DCC: variants seen among roughly 807,000 people sequenced by gnomAD.
DCC encodes netrin receptor DCC.
Under a neutral mutation model 172.5 loss-of-function variants are expected in DCC, and 58 were observed. The ratio of observed to expected loss-of-function variants is 0.34; its 90% CI spans 0.27 to 0.42. The LOEUF (loss-of-function observed/expected upper bound fraction) is 0.42, where lower values mean the gene tolerates loss of function less well. Ranked by LOEUF, DCC falls within the 10% of genes least tolerant of loss-of-function variation. DCC has a pLI of 1.00. For synonymous variants in DCC, 709 were observed against 644.5 expected (o/e 1.10, Z -1.52); for missense variants, 1,740 against 1,791.0 (o/e 0.97, Z 0.51).
chr18:53,386,459 T>C (rs1325587563), intron 16 of DCC, among the ~76,000 whole-genome samples: 1 of 152,162 alleles, frequency 6.6e-6, no homozygotes, highest in African/African-American at 2.4e-5. Context: ...CCTGATACCA[T>C]GCTTCCATCT....
At chr18:52,994,986 G>T (rs955530793) in intron 5 of DCC, among the ~76,000 whole-genome samples, 3 of 151,992 alleles carry the variant, frequency 2.0e-5, no homozygotes, top group Non-Finnish European at 4.4e-5. Flanking sequence ...ATCCTCAATT[G>T]TATTTTAAAG....
At chr18:52,386,339 T>G (rs1985798226) in intron 1 of DCC, among the ~76,000 whole-genome samples, 1 of 152,132 alleles carries the variant, frequency 6.6e-6, no homozygotes, top group African/African-American at 2.4e-5. Flanking sequence ...AGATATAGCT[T>G]TCATTTTTTG....
intron 15 of DCC, among the ~76,000 whole-genome samples, chr18:53,379,509 C>T (rs193204022): frequency 6.6e-6 from 1 of 152,262 alleles, no homozygotes; most frequent in African/African-American, 2.4e-5. Flanking sequence ...TTCCCTCAGC[C>T]CCAGAGAAAG....
chr18:53,320,626 C>T (rs1224281816), intron 13 of DCC, among the ~76,000 whole-genome samples: 1 of 152,182 alleles, frequency 6.6e-6, no homozygotes, highest in Non-Finnish European at 1.5e-5. Flanking sequence ...TAAGGAATGA[C>T]AAAGGCCTTA....
chr18:53,153,535 T>G lies in DCC; in HGVS notation c.1262-3821T>G, dbSNP rs185514888. 8.5e-5 allele frequency among the ~76,000 whole-genome samples: 13 copies of G among 152,298 alleles called. No homozygotes were observed. The East Asian group carries it at 2.3e-3, about 27-fold the overall frequency. ...TCACCTTCTTTAAAGTGGTCTCCGA[T>G]AGAATTTTTTCAGACTCTGTTTTAA... On this transcript the variant is annotated intron_variant, in intron 7 of 28. Coordinates refer to ENST00000442544, the MANE Select transcript of DCC (RefSeq NM_005215.4).
At chr18:52,816,794 C>A (rs2038308133) in intron 2 of DCC, 2 of 152,196 alleles carry the variant, frequency 1.3e-5, no homozygotes, top group African/African-American at 4.8e-5. Flanking sequence ...GGAAAAGCAT[C>A]TTTTATTTTT....
In DCC at chr18:52,836,885, T is replaced by C. The variant is rs190073633; in HGVS notation, c.413-69159T>C. ...ATACTGCCCTAGCAGAAGTTCTCCA[T>C]AGGGCTCTGCCTTTGCAGGAAACTT... On this transcript the variant is annotated intron_variant, in intron 2 of 28. Transcript: ENST00000442544. 2.6e-5 allele frequency among the ~76,000 whole-genome samples: 4 copies of C among 152,338 alleles called. No homozygotes were observed. The East Asian group carries it at 5.8e-4, about 22-fold the overall frequency.
intron 12 of DCC, among the ~76,000 whole-genome samples, chr18:53,243,596 C>G (rs1005481094): frequency 1.3e-5 from 2 of 152,070 alleles, no homozygotes; most frequent in Non-Finnish European, 2.9e-5. Context: ...TCAGAGTGCT[C>G]TCTGGGAAGA....
In DCC at chr18:52,497,455, T is replaced by A. The variant is rs192902441; in HGVS notation, c.91+156577T>A. The stretch of plus-strand genomic sequence containing the variant: ...TACATATAAAGAGGAACAACATAAG[T>A]TTTTTTAAAAAAGCAGAACTATTAA... On this transcript the variant is annotated intron_variant, in intron 1 of 28. Coordinates refer to ENST00000442544, the MANE Select transcript of DCC (RefSeq NM_005215.4). 4.7e-3 allele frequency among the ~76,000 whole-genome samples: 513 copies of A among 108,488 alleles called. 2 individuals are homozygous for A. The highest frequency in any genetic ancestry group is 0.01 in the Middle Eastern group (2 of 196). 71.2% of individuals were successfully genotyped at this position (108,488 alleles called of 152,430 possible). A position where few individuals can be genotyped will look rare whatever the true frequency, so the allele number is the denominator to read the frequency against.
intron 1 of DCC, among the ~76,000 whole-genome samples, chr18:52,687,128 C>T (rs1042631693): frequency 1.3e-5 from 2 of 152,116 alleles, no homozygotes; most frequent in Non-Finnish European, 2.9e-5. Context: ...AATGAATATA[C>T]TGCTCAAACC....
intron 2 of DCC, among the ~76,000 whole-genome samples, chr18:52,792,774 C>CATTCT: frequency 3.3e-4 from 4 of 12,232 alleles, no homozygotes; most frequent in East Asian, 0.083. Flanking sequence ...CATTCTATTC[C>CATTCT]ATTCCATTCC....
chr18:52,856,494 CG>C (rs2039055157), intron 2 of DCC, among the ~76,000 whole-genome samples: 1 of 151,650 alleles, frequency 6.6e-6, no homozygotes, highest in African/African-American at 2.4e-5. Flanking sequence ...GGCGTGGTGG[CG>C]GGCACCTGTA....
At chr18:52,379,247 G>GTT (rs61660264) in intron 1 of DCC, among the ~76,000 whole-genome samples, 23,606 of 148,838 alleles carry the variant, frequency 0.16, 2,003 homozygotes, top group African/African-American at 0.21. Context: ...AAAGCATAAT[G>GTT]TTTTTTTTTT....
rs189753785 is a variant in DCC, at chr18:52,935,073, C to A, written c.985+9703C>A. Among the ~76,000 whole-genome samples the A allele has an allele frequency of 1.1e-4, 17 of 152,222 alleles. 2 individuals carry two copies. In the East Asian group the frequency reaches 2.7e-3, roughly 24 times the overall value. Reference sequence around the variant, plus strand: ...AAATAGAACAACTGCTAAAAAGATTCTTTGGTCTTTTTTATCAAAAGTGAG... The same window carrying A: ...AAATAGAACAACTGCTAAAAAGATTATTTGGTCTTTTTTATCAAAAGTGAG... On this transcript the variant is annotated intron_variant, in intron 5 of 28. Transcript: ENST00000442544.
At chr18:53,401,484 T>C (rs1909289175) in intron 18 of DCC, among the ~76,000 whole-genome samples, 1 of 152,192 alleles carries the variant, frequency 6.6e-6, no homozygotes, top group Non-Finnish European at 1.5e-5. Flanking sequence ...GTCTCCTCTA[T>C]TTGGCTCATA....
chr18:52,710,815 G>A (rs530975962), intron 1 of DCC, among the ~76,000 whole-genome samples: 3 of 152,292 alleles, frequency 2.0e-5, no homozygotes, highest in African/African-American at 7.2e-5. Context: ...TAGAAAACTA[G>A]GGCCCATCAC....
chr18:53,521,351 T>C (rs945698936), intron 27 of DCC, among the ~76,000 whole-genome samples: 1 of 152,232 alleles, frequency 6.6e-6, no homozygotes, highest in Non-Finnish European at 1.5e-5. Context: ...TGCCCTATTG[T>C]AATAATAGGA....
chr18:52,496,275 A>T (rs1440760874), intron 1 of DCC, among the ~76,000 whole-genome samples: 1 of 152,170 alleles, frequency 6.6e-6, no homozygotes, highest in Admixed American at 6.6e-5. Flanking sequence ...TTTGTGCTGC[A>T]GTTAGCAATC....
intron 27 of DCC, among the ~76,000 whole-genome samples, chr18:53,521,596 C>T (rs1241658538): frequency 6.6e-6 from 1 of 152,080 alleles, no homozygotes; most frequent in East Asian, 1.9e-4. Flanking sequence ...TTTCTCAGAA[C>T]AGGCACTGGC....
Sources: gnomAD v4.1 joint callset for allele counts (sites outside exome capture counted in the v4.1 genomes callset) on GRCh38, gnomAD v4.1.1 for gene constraint, MANE v1.5 for transcripts, NCBI Gene and HGNC (gene_info 2026-07-23, HGNC 2026-07-21) for gene names.